The following BIN3 variants were observed in gnomAD, a reference collection of about 807,000 sequenced individuals.
BIN3 encodes bridging integrator 3.
In BIN3, 41 loss-of-function variants were observed where a neutral mutation model predicts 38.2. The observed-to-expected ratio is 1.07, with a 90% CI of 0.84 to 1.39. The LOEUF is 1.39. Among genes scored for constraint, BIN3 ranks in the 40% most tolerant of loss-of-function variants. The pLI is 0.00. For missense variants in BIN3, 361 were observed against 324.3 expected (o/e 1.11, Z -0.87); for synonymous variants, 145 against 122.6 (o/e 1.18, Z -1.21).
At chr8:22,647,625 G>C (rs1311754015) in intron 1 of BIN3, among the ~76,000 whole-genome samples, 2 of 152,208 alleles carry the variant, frequency 1.3e-5, no homozygotes, top group East Asian at 3.8e-4. Flanking sequence ...GAAGTGAATG[G>C]GAGGACGTTC....
intron 1 of BIN3, among the ~76,000 whole-genome samples, chr8:22,665,859 C>T (rs576333613): frequency 3.9e-5 from 6 of 152,278 alleles, no homozygotes; most frequent in African/African-American, 1.4e-4. Context: ...AGGTAGAAGA[C>T]CCCGGAAGAG....
chr8:22,651,650 A>G (rs945705239), intron 1 of BIN3, among the ~76,000 whole-genome samples: 1 of 152,164 alleles, frequency 6.6e-6, no homozygotes, highest in Non-Finnish European at 1.5e-5. Flanking sequence ...ACTTCCCAGT[A>G]CTGCTGCTGT....
intron 6 of BIN3, chr8:22,625,290 G>C (rs755397728): frequency 1.4e-6 from 1 of 701,936 alleles, no homozygotes. Context: ...CGGTGCAATG[G>C]CAGGGGGCGT....
chr8:22,621,169 G>A lies in BIN3; in HGVS notation c.*253C>T, dbSNP rs536823242. On this transcript the variant is annotated 3_prime_UTR_variant, in exon 9 of 9. Transcript: ENST00000276416. ...CAGGCCGTGGGCCAGGATGCATGCT[G>A]GACGGTTCTCCAAATAAAAAAGCCC... The A allele has an allele frequency of 2.6e-5, 13 of 507,738 alleles. No homozygotes were observed. Among genetic ancestry groups the A allele is most frequent in the African/African-American group, 1.5e-4 (8 of 51,916 alleles). 31.5% of individuals were successfully genotyped at this position (507,738 alleles called of 1,614,324 possible).
intron 2 of BIN3, 32 bp from the exon 3 acceptor site, chr8:22,636,994 G>C: frequency 6.2e-7 from 1 of 1,605,778 alleles, no homozygotes; most frequent in Non-Finnish European, 8.5e-7. Flanking sequence ...AATTATCGGA[G>C]AAATGACAAC....
chr8:22,636,142 G>A (rs572631728), intron 4 of BIN3, among the ~76,000 whole-genome samples: 2 of 152,302 alleles, frequency 1.3e-5, no homozygotes, highest in South Asian at 2.1e-4. Context: ...CCACTGGAGC[G>A]CCTGTCCCAG....
chr8:22,628,131 C>T (rs1231350539), intron 6 of BIN3, among the ~76,000 whole-genome samples: 1 of 152,252 alleles, frequency 6.6e-6, no homozygotes, highest in African/African-American at 2.4e-5. Context: ...TGGGGAATGC[C>T]TGCCATGCCT....
intron 1 of BIN3, among the ~76,000 whole-genome samples, chr8:22,651,991 T>G (rs1477344698): frequency 6.6e-6 from 1 of 151,840 alleles, no homozygotes; most frequent in Non-Finnish European, 1.5e-5. Context: ...TACCAAGTTT[T>G]TTTTTTTTTT....
intron 2 of BIN3, among the ~76,000 whole-genome samples, chr8:22,643,944 C>T (rs749367): frequency 0.033 from 5,008 of 152,244 alleles, 289 homozygotes; most frequent in African/African-American, 0.11. Context: ...TATTTTGCAC[C>T]GGGATTCCAA....
chr8:22,643,664 A>C (rs990453788), intron 2 of BIN3, among the ~76,000 whole-genome samples: 1 of 152,246 alleles, frequency 6.6e-6, no homozygotes, highest in South Asian at 2.1e-4. Flanking sequence ...TGGATTTGCT[A>C]GAGATGGAGC....
intron 6 of BIN3, chr8:22,625,468 T>C (rs1182553578): frequency 1.4e-6 from 1 of 700,490 alleles, no homozygotes; most frequent in Non-Finnish European, 2.6e-6. Context: ...AGGAAGCAGT[T>C]ACTGAGACTG....
intron 3 of BIN3, 142 bp from the exon 4 acceptor site, chr8:22,636,728 T>TA: frequency 9.8e-7 from 1 of 1,024,584 alleles, no homozygotes. Context: ...GAAGTGCCAC[T>TA]ACACCCAAAG....
At chr8:22,666,880 G>T (rs1051831196) in intron 1 of BIN3, among the ~76,000 whole-genome samples, 1 of 152,132 alleles carries the variant, frequency 6.6e-6, no homozygotes, top group African/African-American at 2.4e-5. Flanking sequence ...CGTCACTCTG[G>T]TCTCTTCCCC....
intron 4 of BIN3, among the ~76,000 whole-genome samples, chr8:22,634,852 T>C (rs554273230): frequency 6.6e-6 from 1 of 152,298 alleles, no homozygotes; most frequent in South Asian, 2.1e-4. Flanking sequence ...GACAAGGCCC[T>C]GGACTTGGAG....
Position 22,643,327 on chromosome 8 carries a change from AC to A in BIN3, c.57+1427del, listed in dbSNP as rs34560197. ...CCTCTGCATGAAGCAGAGAGGCCCCACCCCCCAACTTTTTTTTTTAACAGAC... is the reference window on the plus strand; with the variant it reads ...CCTCTGCATGAAGCAGAGAGGCCCCACCCCCAACTTTTTTTTTTAACAGAC... On this transcript the variant is annotated intron_variant, in intron 2 of 8. Coordinates refer to ENST00000276416, the MANE Select transcript of BIN3 (RefSeq NM_018688.6). Among the ~76,000 whole-genome samples the A allele has an allele frequency of 3.4e-3, 468 of 138,802 alleles. 5 individuals are homozygous for A. The highest frequency in any genetic ancestry group is 0.011 in the African/African-American group (449 of 39,932). The allele number at this position is 138,802 out of a possible 152,430, so 91.1% of individuals were successfully genotyped here. A position where few individuals can be genotyped will look rare whatever the true frequency, so the allele number is the denominator to read the frequency against.
At chr8:22,630,396 C>A (rs1414921084) in intron 5 of BIN3, 46 bp downstream of exon 5, 1 of 1,607,650 alleles carries the variant, frequency 6.2e-7, no homozygotes, top group South Asian at 1.1e-5. Context: ...GAGGCCCAGA[C>A]CGGGCAGAAG....
rs1429354934 is a variant in BIN3, at chr8:22,645,559, AGG to A, written c.9-758_9-757del. On this transcript the variant is annotated intron_variant, in intron 1 of 8. Coordinates refer to ENST00000276416, the MANE Select transcript of BIN3 (RefSeq NM_018688.6). ...AGGAAAGGAAAGGAAAGGAAAGGAA[AGG>A]GGAAGAGAGGAAAGGCGAGGATGGC... is the stretch of plus-strand genomic sequence containing the variant. Among the ~76,000 whole-genome samples, 529 of 143,634 alleles carry A rather than the reference AGG, an allele frequency of 3.7e-3. 1 individual carries two copies. The highest frequency in any genetic ancestry group is 0.011 in the African/African-American group (448 of 38,994). The allele number at this position is 143,634 out of a possible 152,430, so 94.2% of individuals were successfully genotyped here. A position where few individuals can be genotyped will look rare whatever the true frequency, so the allele number is the denominator to read the frequency against.
chr8:22,625,288 T>C lies in BIN3; in HGVS notation c.339-925A>G, dbSNP rs1482165940. ...GCTGGAGGGCTGGCCCTCGGTGCAA[T>C]GGCAGGGGGCGTCTACCAGGCAAGC... On this transcript the variant is annotated intron_variant, in intron 6 of 8. Transcript: ENST00000276416. 1.3e-5 allele frequency: 9 copies of C among 701,802 alleles called. No individual in the cohort carries two copies. In the South Asian group the frequency reaches 1.3e-4, roughly 10 times the overall value. 43.5% of individuals were successfully genotyped at this position (701,802 alleles called of 1,614,324 possible). A position where few individuals can be genotyped will look rare whatever the true frequency, so the allele number is the denominator to read the frequency against.
intron 1 of BIN3, among the ~76,000 whole-genome samples, chr8:22,658,375 T>C (rs1004485472): frequency 2.6e-5 from 4 of 152,350 alleles, no homozygotes; most frequent in African/African-American, 4.8e-5. Context: ...GCTACAAATA[T>C]ACTTTTTCAA....
Sources: gnomAD v4.1 joint callset for allele counts (sites outside exome capture counted in the v4.1 genomes callset) on GRCh38, gnomAD v4.1.1 for gene constraint, MANE v1.5 for transcripts, NCBI Gene and HGNC (gene_info 2026-07-23, HGNC 2026-07-21) for gene names.